The following SLC41A3 variants were observed in gnomAD, a reference collection of about 807,000 sequenced individuals.
SLC41A3 encodes the protein SLC41A1-like 2.
In SLC41A3, 44 loss-of-function variants were observed where a neutral mutation model predicts 45.4. The observed-to-expected ratio is 0.97, with a 90% CI of 0.76 to 1.25. SLC41A3 has a LOEUF of 1.25. Ranked by LOEUF, SLC41A3 falls within the 50% of genes most tolerant of loss-of-function variation. The pLI is 0.00. For synonymous variants in SLC41A3, 256 were observed against 252.4 expected (o/e 1.01, Z -0.13); for missense variants, 550 against 600.6 (o/e 0.92, Z 0.88).
chr3:126,090,028 CTTTTTTT>C (rs59737864), intron 1 of SLC41A3, among the ~76,000 whole-genome samples: 4 of 99,330 alleles, frequency 4.0e-5, no homozygotes, highest in South Asian at 4.1e-4. Flanking sequence ...TCAAGAAAAT[CTTTTTTT>C]TTTTTTTTTT....
intron 9 of SLC41A3, 55 bp downstream of exon 9, chr3:126,012,560 T>C (rs1939826280): frequency 6.2e-7 from 1 of 1,603,730 alleles, no homozygotes; most frequent in African/African-American, 1.3e-5. Context: ...ATGACACCGA[T>C]GTTTTCTTGT....
intron 4 of SLC41A3, 101 bp downstream of exon 4, chr3:126,033,506 C>T: frequency 7.7e-7 from 1 of 1,297,156 alleles, no homozygotes. Context: ...AAAGTTCAGG[C>T]CAGAGTGCAG....
Position 126,026,506 on chromosome 3 carries a change from AG to A in SLC41A3, c.454-28del, listed in dbSNP as rs753843778. The A allele has an allele frequency of 4.7e-5, 74 of 1,590,016 alleles. 1 individual carries two copies. The Admixed American group carries it at 8.5e-4, about 18-fold the overall frequency. ...TGTTGGACAGAAATCAGAAGCATGA[AG>A]GGGGGCCCCGGGGCCACAGCCACAC... is the stretch of plus-strand genomic sequence containing the variant. On this transcript the variant is annotated intron_variant, in intron 4 of 10. Coordinates refer to ENST00000360370, the MANE Select transcript of SLC41A3 (RefSeq NM_017836.4). The surrounding 1 kb of genome is among the most constrained non-coding windows in gnomAD (Gnocchi z 4.2).
chr3:126,044,827 C>T (rs887546891), intron 3 of SLC41A3, among the ~76,000 whole-genome samples: 14 of 134,082 alleles, frequency 1.0e-4, no homozygotes, highest in East Asian at 2.3e-4. Context: ...ACCCGGGAGG[C>T]GGAGCTTGCA....
chr3:126,046,973 A>G (rs937685473), intron 3 of SLC41A3, among the ~76,000 whole-genome samples: 4 of 151,658 alleles, frequency 2.6e-5, no homozygotes, highest in African/African-American at 9.7e-5. Context: ...AAAAAAAAAA[A>G]AAAAGAAAAG....
chr3:126,062,024 C>T (rs1335422448), intron 2 of SLC41A3, among the ~76,000 whole-genome samples: 1 of 152,244 alleles, frequency 6.6e-6, no homozygotes, highest in African/African-American at 2.4e-5. Context: ...AGACCCTCCC[C>T]TGCTCACCAT....
intron 3 of SLC41A3, among the ~76,000 whole-genome samples, chr3:126,037,509 G>A (rs1328554580): frequency 6.6e-6 from 1 of 152,166 alleles, no homozygotes; most frequent in Non-Finnish European, 1.5e-5. Context: ...CATGGAACTT[G>A]GCTGCACTGT....
intron 9 of SLC41A3, among the ~76,000 whole-genome samples, chr3:126,012,044 C>T (rs1219889891): frequency 3.9e-5 from 6 of 152,222 alleles, no homozygotes. Context: ...GCCTCTCTGG[C>T]CTCAGCCTCC....
At chr3:126,056,386 G>A (rs765474941) in intron 2 of SLC41A3, 30 of 1,613,986 alleles carry the variant, frequency 1.9e-5, no homozygotes, top group Admixed American at 5.0e-5. Flanking sequence ...CAGGCCGGCT[G>A]TCATCATGCA....
At position 126,068,200 on chromosome 3, in the gene SLC41A3, C is replaced by T; in HGVS notation, c.20G>A (p.Arg7Gln). 3 of 1,554,476 alleles carry T rather than the reference C, an allele frequency of 1.9e-6. No individual in the cohort carries two copies. Among genetic ancestry groups the T allele is most frequent in the East Asian group, 2.3e-5 (1 of 44,332 alleles). The change falls in exon 2 of 11, where the codon CGG becomes CAG. Residue 7 changes from arginine to glutamine, a missense_variant. Arg to Gln is a conservative substitution (Grantham distance 43). Transcript: ENST00000360370. Reference protein sequence around the residue: MDGTETRQRRLDSCGKP... With the variant: MDGTETQQRRLDSCGKP... ...GCCACAGCTGTCCAGCCTCCGCTGC[C>T]GGGTCTCTGTCCCATCCATCTGGGC...
At chr3:126,052,139 G>A (rs1323114195) in intron 2 of SLC41A3, among the ~76,000 whole-genome samples, 1 of 152,178 alleles carries the variant, frequency 6.6e-6, no homozygotes, top group Admixed American at 6.5e-5. Flanking sequence ...CAGCTCTGAT[G>A]GAGTTCTGAG....
chr3:126,008,669 A>G (rs1939385900), intron 10 of SLC41A3, 63 bp downstream of exon 10: 1 of 1,589,118 alleles, frequency 6.3e-7, no homozygotes, highest in Non-Finnish European at 8.6e-7. Flanking sequence ...CACTCAGACA[A>G]GAGATCAAGC....
intron 10 of SLC41A3, 89 bp downstream of exon 10, chr3:126,008,643 G>C: frequency 8.7e-6 from 13 of 1,500,024 alleles, no homozygotes; most frequent in African/African-American, 1.4e-5. Flanking sequence ...ACCCCCACCC[G>C]CCTCCCTCAG....
intron 3 of SLC41A3, among the ~76,000 whole-genome samples, chr3:126,041,087 C>CT: frequency 1.3e-5 from 2 of 152,236 alleles, no homozygotes; most frequent in Middle Eastern, 6.8e-3. Context: ...AAAACAAAAT[C>CT]TTTTCATTAG....
At chr3:126,056,282 C>A (rs1943652975) in intron 2 of SLC41A3, 2 of 1,549,966 alleles carry the variant, frequency 1.3e-6, no homozygotes, top group African/African-American at 2.7e-5. Context: ...ATGTCTCCAG[C>A]CTGCCCTGTC....
chr3:126,036,601 G>T (rs1942210605), intron 3 of SLC41A3, among the ~76,000 whole-genome samples: 1 of 152,068 alleles, frequency 6.6e-6, no homozygotes, highest in South Asian at 2.1e-4. Flanking sequence ...GAGTCCTGGG[G>T]TGCTTCGCTG....
At chr3:126,061,290 C>T (rs80177099) in intron 2 of SLC41A3, among the ~76,000 whole-genome samples, 21,044 of 152,180 alleles carry the variant, frequency 0.14, 1,643 homozygotes, top group African/African-American at 0.18. Flanking sequence ...CTTCTGATCT[C>T]GACTGGCAGA....
Position 126,022,788 on chromosome 3 carries a change from TTG to T in SLC41A3, c.741_742del (p.His247GlnfsTer3). The T allele has an allele frequency of 6.2e-7, 1 of 1,614,128 alleles. No homozygotes were observed. Among genetic ancestry groups the T allele is most frequent in the Non-Finnish European group, 8.5e-7 (1 of 1,180,008 alleles). On this transcript the variant is annotated frameshift_variant, in exon 6 of 11. Transcript: ENST00000360370. LOFTEE classifies it high-confidence loss of function. ...CTATAGAAGAAGACACTCTTTACCT[TTG>T]TGTCTGTAGAAGAAGCTGCTAACCA... is the stretch of plus-strand genomic sequence containing the variant.
intron 2 of SLC41A3, among the ~76,000 whole-genome samples, chr3:126,063,956 C>CCCT (rs1002674529): frequency 7.0e-6 from 1 of 142,100 alleles, no homozygotes; most frequent in African/African-American, 2.5e-5. Flanking sequence ...CCAACCCCCC[C>CCCT]CCGGGGACAC....
Sources: gnomAD v4.1 joint callset for allele counts (sites outside exome capture counted in the v4.1 genomes callset) on GRCh38, gnomAD v4.1.1 for gene constraint, Gnocchi (gnomAD v3.1) non-coding constraint, MANE v1.5 for transcripts, NCBI Gene and HGNC (gene_info 2026-07-23, HGNC 2026-07-21) for gene names.